The following SERINC5 variants were observed in gnomAD, a reference collection of about 807,000 sequenced individuals.
The protein encoded by SERINC5 is serine incorporator 5.
SERINC5 carries 41 observed loss-of-function variants against 63.1 expected under a neutral mutation model. The ratio of observed to expected loss-of-function variants is 0.65; its 90% confidence interval spans 0.51 to 0.84. The LOEUF (loss-of-function observed/expected upper bound fraction) is 0.84, where lower values mean the gene tolerates loss of function less well. Ranked by LOEUF, SERINC5 falls within the 40% of genes least tolerant of loss-of-function variation. SERINC5 has a pLI of 0.00. For synonymous variants in SERINC5, 222 were observed against 215.2 expected (o/e 1.03, Z -0.28); for missense variants, 523 against 573.0 (o/e 0.91, Z 0.89).
intron 1 of SERINC5, among the ~76,000 whole-genome samples, chr5:80,206,810 G>GTT (rs1750186522): frequency 1.2e-5 from 1 of 81,094 alleles, no homozygotes; most frequent in Non-Finnish European, 2.3e-5. Flanking sequence ...TTCACTGATT[G>GTT]CTTTTTTTTT....
intron 2 of SERINC5, among the ~76,000 whole-genome samples, chr5:80,200,152 G>C (rs1056641013): frequency 2.7e-5 from 2 of 75,282 alleles, no homozygotes; most frequent in East Asian, 5.6e-4. Flanking sequence ...AGCGAGACTC[G>C]TAATTTCTGC....
intron 2 of SERINC5, 113 bp downstream of exon 2, chr5:80,202,773 G>C (rs1749921312): frequency 2.9e-6 from 3 of 1,035,878 alleles, no homozygotes; most frequent in South Asian, 1.7e-5. Flanking sequence ...AAGGAAACCA[G>C]GTATACCCCA....
intron 1 of SERINC5, among the ~76,000 whole-genome samples, chr5:80,241,437 T>C (rs1339320723): frequency 2.6e-5 from 4 of 151,958 alleles, no homozygotes; most frequent in Admixed American, 1.3e-4. Flanking sequence ...CCACTGCACT[T>C]CAACCTGGTG....
At chr5:80,177,199 G>T in intron 4 of SERINC5, 116 bp downstream of exon 4, 1 of 710,678 alleles carries the variant, frequency 1.4e-6, no homozygotes, top group Non-Finnish European at 2.4e-6. Context: ...TTCTTTTGAA[G>T]CCAAAAGAAA....
At chr5:80,221,246 A>G (rs186761733) in intron 1 of SERINC5, among the ~76,000 whole-genome samples, 1 of 152,356 alleles carries the variant, frequency 6.6e-6, no homozygotes, top group East Asian at 1.9e-4. Flanking sequence ...ATCTGACATC[A>G]GCCGACAGCA....
At chr5:80,171,300 C>A (rs1366277889) in intron 5 of SERINC5, among the ~76,000 whole-genome samples, 1 of 152,072 alleles carries the variant, frequency 6.6e-6, no homozygotes, top group Admixed American at 6.6e-5. Context: ...AGCCACTGTG[C>A]CTGGCCCTAA....
intron 1 of SERINC5, among the ~76,000 whole-genome samples, chr5:80,203,527 A>C (rs1749989383): frequency 6.6e-6 from 1 of 151,864 alleles, no homozygotes; most frequent in Non-Finnish European, 1.5e-5. Flanking sequence ...TTTTTCTTTA[A>C]TTAGCCAGGC....
At chr5:80,145,437 G>A (rs1258701980) in intron 11 of SERINC5, among the ~76,000 whole-genome samples, 1 of 149,688 alleles carries the variant, frequency 6.7e-6, no homozygotes, top group African/African-American at 2.5e-5. Flanking sequence ...AAGTAGAGGC[G>A]GGGGGGTACC....
intron 1 of SERINC5, among the ~76,000 whole-genome samples, chr5:80,223,798 T>G (rs548770690): frequency 6.6e-6 from 1 of 152,126 alleles, no homozygotes; most frequent in African/African-American, 2.4e-5. Flanking sequence ...ATTTAATCTG[T>G]GATGATACAA....
chr5:80,141,995 C>G lies in SERINC5; in HGVS notation c.*1668G>C. The G allele has an allele frequency of 1.0e-6, 1 of 985,354 alleles. No individual in the cohort carries two copies. Among genetic ancestry groups the G allele is most frequent in the Non-Finnish European group, 1.2e-6 (1 of 829,922 alleles). 61.0% of individuals were successfully genotyped at this position (985,354 alleles called of 1,614,324 possible). ...ATAGAAAGAATTTCACTAATTTCACCCACCAGCATTTTGGCACACAGAAGC... is the reference window on the plus strand; with the variant it reads ...ATAGAAAGAATTTCACTAATTTCACGCACCAGCATTTTGGCACACAGAAGC... On this transcript the variant is annotated 3_prime_UTR_variant, in exon 12 of 12. Transcript: ENST00000507668.
chr5:80,172,771 A>G (rs750664869), intron 5 of SERINC5, among the ~76,000 whole-genome samples: 39 of 152,228 alleles, frequency 2.6e-4, no homozygotes, highest in Non-Finnish European at 5.6e-4. Flanking sequence ...ATACAGAAAA[A>G]GGTAAACACT....
intron 1 of SERINC5, among the ~76,000 whole-genome samples, chr5:80,246,462 C>T (rs1435731023): frequency 3.3e-5 from 5 of 152,012 alleles, no homozygotes; most frequent in African/African-American, 1.2e-4. Flanking sequence ...TGTGTTTTTC[C>T]TACTTTTGTT....
At chr5:80,127,518 C>T (rs549120009) in intron 11 of SERINC5, among the ~76,000 whole-genome samples, 1 of 152,308 alleles carries the variant, frequency 6.6e-6, no homozygotes, top group African/African-American at 2.4e-5. Context: ...CACAGCATAA[C>T]TTAGCCGACA....
intron 1 of SERINC5, among the ~76,000 whole-genome samples, chr5:80,248,902 A>G (rs1416278781): frequency 6.6e-6 from 1 of 152,206 alleles, no homozygotes; most frequent in Admixed American, 6.5e-5. Flanking sequence ...CATCTAACAG[A>G]GATGAAATTA....
intron 8 of SERINC5, chr5:80,157,961 CATT>C (rs1308216312): frequency 6.6e-6 from 1 of 152,174 alleles, no homozygotes; most frequent in Non-Finnish European, 1.5e-5. Context: ...CTCAGAAAGA[CATT>C]ATATTTATAC....
At position 80,255,916 on chromosome 5, in the gene SERINC5, C is replaced by T; in HGVS notation, c.7G>A (p.Ala3Thr). Reference protein sequence around the residue: MSAQCCAGQLACC... With the variant: MSTQCCAGQLACC... The stretch of plus-strand genomic sequence containing the variant: ...CTCACCTGGCCCGCACAGCACTGAG[C>T]TGACATCGCGGCGGCCAATGCCGAA... The change falls in exon 1 of 12, where the codon GCT (alanine) becomes ACT (threonine). Residue 3 changes from alanine to threonine, a missense_variant. Physicochemically the swap from Ala to Thr is moderately conservative, Grantham distance 58. Transcript: ENST00000507668. 2 of 1,570,206 alleles carry T rather than the reference C, an allele frequency of 1.3e-6. No individual in the cohort carries two copies. The highest frequency in any genetic ancestry group is 8.6e-7 in the Non-Finnish European group (1 of 1,165,528).
Position 80,177,488 on chromosome 5 carries a change from A to G in SERINC5, c.375-91T>C, listed in dbSNP as rs187212137. The G allele has an allele frequency of 2.4e-3, 2,403 of 1,010,822 alleles. 10 individuals are homozygous for G. The highest frequency in any genetic ancestry group is 0.019 in the Middle Eastern group (91 of 4,814). The allele number at this position is 1,010,822 out of a possible 1,614,324, so 62.6% of individuals were successfully genotyped here. A position where few individuals can be genotyped will look rare whatever the true frequency, so the allele number is the denominator to read the frequency against. On this transcript the variant is annotated intron_variant, in intron 3 of 11. Coordinates refer to ENST00000507668, the MANE Select transcript of SERINC5 (RefSeq NM_001174072.3). The stretch of plus-strand genomic sequence containing the variant: ...CGTAGAAGGTACAGCATGTCAATCC[A>G]TGATTCTGCCATTGGCCAATGTTCT...
chr5:80,224,378 GAAGTGAGAGGAT>G (rs113428549), intron 1 of SERINC5, among the ~76,000 whole-genome samples: 16,370 of 151,902 alleles, frequency 0.11, 989 homozygotes, highest in Middle Eastern at 0.14. Context: ...TCAGGAGGCT[GAAGTGAGAGGAT>G]CCCTTGAGCC....
intron 5 of SERINC5, among the ~76,000 whole-genome samples, chr5:80,173,453 G>A (rs546615370): frequency 4.1e-4 from 62 of 152,160 alleles, no homozygotes; most frequent in African/African-American, 1.4e-3. Flanking sequence ...AAAATTAGCC[G>A]GGCATGGTGG....
Sources: gnomAD v4.1 joint callset for allele counts (sites outside exome capture counted in the v4.1 genomes callset) on GRCh38, gnomAD v4.1.1 for gene constraint, MANE v1.5 for transcripts, NCBI Gene and HGNC (gene_info 2026-07-23, HGNC 2026-07-21) for gene names.